Variants in ZNF584 observed in about 807,000 individuals in gnomAD.
ZNF584 encodes the protein zinc finger protein 584.
In ZNF584, 12 loss-of-function variants were observed where a neutral mutation model predicts 14.7. The ratio of observed to expected loss-of-function variants is 0.82; its 90% CI spans 0.52 to 1.32. The LOEUF (loss-of-function observed/expected upper bound fraction) is 1.32. Among genes scored for constraint, ZNF584 ranks in the 40% most tolerant of loss-of-function variants. The probability of loss-of-function intolerance (pLI) is 0.00; values close to 1 mark genes in which losing one functional copy is unlikely to be tolerated. For missense variants in ZNF584, 478 were observed against 518.8 expected (o/e 0.92, Z 0.76); for synonymous variants, 204 against 190.9 (o/e 1.07, Z -0.57).
chr19:58,410,528 T>TAC (rs1306275262), intron 2 of ZNF584, among the ~76,000 whole-genome samples: 1 of 17,990 alleles, frequency 5.6e-5, no homozygotes, highest in African/African-American at 2.6e-4. Context: ...AATATATATA[T>TAC]ATATATATAT....
chr19:58,414,082 A>G (rs1428186462), intron 2 of ZNF584, among the ~76,000 whole-genome samples: 1 of 151,852 alleles, frequency 6.6e-6, no homozygotes, highest in Non-Finnish European at 1.5e-5. Context: ...CGGCCTCCCA[A>G]AGTGCTGGGA....
upstream of ZNF584, among the ~76,000 whole-genome samples, chr19:58,404,059 G>C (rs1830239360): frequency 6.6e-6 from 1 of 152,018 alleles, no homozygotes; most frequent in African/African-American, 2.4e-5. Context: ...AAGGTAAGTG[G>C]TTAAGAGAGA....
intron 2 of ZNF584, among the ~76,000 whole-genome samples, chr19:58,410,396 T>C (rs8105490): frequency 0.1 from 15,423 of 150,826 alleles, 2,493 homozygotes; most frequent in African/African-American, 0.35. Context: ...TTCCTGGCCA[T>C]GTGACTCTCT....
intron 3 of ZNF584, chr19:58,416,556 C>T: frequency 3.1e-6 from 1 of 325,874 alleles, no homozygotes; most frequent in Non-Finnish European, 5.6e-6. Flanking sequence ...GCATGCATCA[C>T]CACACCCGGC....
In ZNF584 at chr19:58,417,804, G is replaced by A; in HGVS notation, c.*20G>A. ...TGCTAGCACCGTGTTCATCAGGAAA[G>A]GTCTTATTCCAGAAAGGAGGTTAAG... On this transcript the variant is annotated 3_prime_UTR_variant, in exon 4 of 4. Coordinates refer to ENST00000306910, the MANE Select transcript of ZNF584 (RefSeq NM_173548.3). 1 of 1,572,928 alleles carries A rather than the reference G, an allele frequency of 6.4e-7. No individual in the cohort carries two copies. The highest frequency in any genetic ancestry group is 8.6e-7 in the Non-Finnish European group (1 of 1,160,474).
In ZNF584 at chr19:58,417,875, C is replaced by A; in HGVS notation, c.*91C>A. 1.4e-6 allele frequency: 2 copies of A among 1,454,586 alleles called. No homozygotes were observed. Among genetic ancestry groups the A allele is most frequent in the South Asian group, 1.4e-5 (1 of 73,608 alleles). The allele number at this position is 1,454,586 out of a possible 1,614,324, so 90.1% of individuals were successfully genotyped here. A position where few individuals can be genotyped will look rare whatever the true frequency, so the allele number is the denominator to read the frequency against. ...CATCCGAAAGAAGCTAAACCTTGCA[C>A]ATCCCAACACCCACCCCAGGGAGAG... On this transcript the variant is annotated 3_prime_UTR_variant, in exon 4 of 4. Coordinates refer to ENST00000306910, the MANE Select transcript of ZNF584 (RefSeq NM_173548.3).
upstream of ZNF584, chr19:58,406,959 G>A (rs1236394407): frequency 1.3e-5 from 2 of 152,530 alleles, no homozygotes; most frequent in Non-Finnish European, 2.9e-5. Context: ...GGTCAGCTGA[G>A]GACATGTTAA....
intron 3 of ZNF584, 91 bp from the exon 4 acceptor site, chr19:58,416,720 A>C: frequency 6.8e-7 from 1 of 1,469,780 alleles, no homozygotes; most frequent in Non-Finnish European, 9.0e-7. Flanking sequence ...AGTTCTATGG[A>C]GTCCTTCTGG....
chr19:58,416,873 A>G lies in ZNF584; in HGVS notation c.355A>G (p.Ile119Val), dbSNP rs774285062. The G allele has an allele frequency of 1.9e-6, 3 of 1,604,824 alleles. No homozygotes were observed. In the Admixed American group the frequency reaches 5.1e-5, roughly 27 times the overall value. ...TGAGCATCTAAAGAGCTACAGAGTC[A>G]TCCAGCACCAGGACACTCATAGTGA... Reference protein sequence around the residue: ...HPEHLKSYRVIQHQDTHSEGK... With the variant: ...HPEHLKSYRVVQHQDTHSEGK... Residue 119 changes from isoleucine (I) to valine (V), a missense_variant, in exon 4 of 4, where the codon ATC (isoleucine) becomes GTC (valine). This residue lies in a region of ZNF584 where 189 missense variants were observed against 177.9 expected (regional missense o/e 1.06). Transcript: ENST00000306910.
chr19:58,409,138 G>T lies in ZNF584; in HGVS notation c.-10G>T, dbSNP rs760908099. On this transcript the variant is annotated 5_prime_UTR_variant, in exon 1 of 4. Transcript: ENST00000306910. Reference sequence around the variant, plus strand: ...TGGGTCCAGTCCACGGGTTCTGCCCGCACGGTCCAATGGCCGGGGAGGCGG... The same window carrying T: ...TGGGTCCAGTCCACGGGTTCTGCCCTCACGGTCCAATGGCCGGGGAGGCGG... The T allele has an allele frequency of 1.2e-4, 176 of 1,450,292 alleles. No homozygotes were observed. Among genetic ancestry groups the T allele is most frequent in the Admixed American group, 4.0e-4 (15 of 37,648 alleles). 89.8% of individuals were successfully genotyped at this position (1,450,292 alleles called of 1,614,324 possible).
At chr19:58,406,094 G>A (rs1426363305), upstream of ZNF584, 4 of 161,658 alleles carry the variant, frequency 2.5e-5, no homozygotes, top group Non-Finnish European at 4.0e-5. Context: ...CTGCAATCCC[G>A]GCACCTCGGG....
chr19:58,408,065 C>G (rs568287122), upstream of ZNF584: 8 of 152,520 alleles, frequency 5.2e-5, no homozygotes, highest in South Asian at 1.7e-3. Flanking sequence ...TGACCTTCCC[C>G]CTAAGCCGCC....
chr19:58,414,878 T>C (rs1266718002), intron 2 of ZNF584, among the ~76,000 whole-genome samples: 4 of 152,022 alleles, frequency 2.6e-5, no homozygotes, highest in Middle Eastern at 3.2e-3. Context: ...GAAAGGCTTT[T>C]TTTTTTCTTT....
Position 58,409,170 on chromosome 19 carries a change from G to T in ZNF584, c.18+5G>T. 1.4e-6 allele frequency: 2 copies of T among 1,436,080 alleles called. No homozygotes were observed. Among genetic ancestry groups the T allele is most frequent in the Non-Finnish European group, 1.8e-6 (2 of 1,086,992 alleles). 89.0% of individuals were successfully genotyped at this position (1,436,080 alleles called of 1,614,324 possible). On this transcript the variant is annotated splice_donor_5th_base_variant and intron_variant, in intron 1 of 3. Coordinates refer to ENST00000306910, the MANE Select transcript of ZNF584 (RefSeq NM_173548.3). ...CCAATGGCCGGGGAGGCGGAGGTGA[G>T]CAGAGGATGCCTCCGAGGAATGAGG...
chr19:58,409,575 T>G (rs1360555052), intron 1 of ZNF584, among the ~76,000 whole-genome samples: 1 of 152,144 alleles, frequency 6.6e-6, no homozygotes. Context: ...TTTGGTTGCG[T>G]CTGAGAGGTA....
In ZNF584 at chr19:58,417,559, C is replaced by G. The variant is rs750309136; in HGVS notation, c.1041C>G (p.Val347=). The change falls in exon 4 of 4, where the codon GTC becomes GTG. Residue 347 remains valine, a synonymous_variant. Coordinates refer to ENST00000306910, the MANE Select transcript of ZNF584 (RefSeq NM_173548.3). ...TRSGLYQHWK[V]HTGERPYECS... Reference sequence around the variant, plus strand: ...CAGGCCTCTATCAGCACTGGAAAGTCCACACTGGGGAACGGCCCTATGAAT... The same window carrying G: ...CAGGCCTCTATCAGCACTGGAAAGTGCACACTGGGGAACGGCCCTATGAAT... 1 of 1,614,192 alleles carries G rather than the reference C, an allele frequency of 6.2e-7. No individual in the cohort carries two copies. The highest frequency in any genetic ancestry group is 1.7e-5 in the Admixed American group (1 of 60,022).
At position 58,408,977 on chromosome 19, in the gene ZNF584, C is replaced by T; in HGVS notation, c.-171C>T. 5.1e-6 allele frequency: 4 copies of T among 784,600 alleles called. No homozygotes were observed. The highest frequency in any genetic ancestry group is 2.5e-4 in the Middle Eastern group (1 of 4,072). 48.6% of individuals were successfully genotyped at this position (784,600 alleles called of 1,614,324 possible). On this transcript the variant is annotated 5_prime_UTR_variant, in exon 1 of 4. Coordinates refer to ENST00000306910, the MANE Select transcript of ZNF584 (RefSeq NM_173548.3). ...GCCGTGGGTCTCCCGGGCCTCCGTA[C>T]CGTCCTCCTTCCCAGCGGCTCCGGG... is the stretch of plus-strand genomic sequence containing the variant.
chr19:58,418,133 G>A lies in ZNF584; in HGVS notation c.*349G>A, dbSNP rs1396546523. ...AGGCCTCATTCCCTACCCTTGACTGGTTTAGCTGTGGACATGACCCACCTC... is the reference window on the plus strand; with the variant it reads ...AGGCCTCATTCCCTACCCTTGACTGATTTAGCTGTGGACATGACCCACCTC... On this transcript the variant is annotated 3_prime_UTR_variant, in exon 4 of 4. Transcript: ENST00000306910. 3.9e-6 allele frequency: 1 copy of A among 253,822 alleles called. No homozygotes were observed. The highest frequency in any genetic ancestry group is 2.2e-5 in the African/African-American group (1 of 45,348). 15.7% of individuals were successfully genotyped at this position (253,822 alleles called of 1,614,324 possible). A position where few individuals can be genotyped will look rare whatever the true frequency, so the allele number is the denominator to read the frequency against.
chr19:58,410,553 A>T (rs1185258845), intron 2 of ZNF584, among the ~76,000 whole-genome samples: 31 of 28,182 alleles, frequency 1.1e-3, no homozygotes, highest in African/African-American at 1.6e-3. Flanking sequence ...ATATATATAT[A>T]TATATGTGTA....
Sources: gnomAD v4.1 joint callset for allele counts (sites outside exome capture counted in the v4.1 genomes callset) on GRCh38, gnomAD v4.1.1 for gene constraint, gnomAD v4.1.1 regional missense constraint, MANE v1.5 for transcripts, NCBI Gene and HGNC (gene_info 2026-07-23, HGNC 2026-07-21) for gene names.